The following MAP2K5 variants were observed in gnomAD, a reference collection of about 807,000 sequenced individuals.
MAP2K5 encodes dual specificity mitogen-activated protein kinase kinase 5.
MAP2K5 carries 49 observed loss-of-function variants against 83.1 expected under a neutral mutation model. The ratio of observed to expected loss-of-function variants is 0.59; its 90% confidence interval spans 0.47 to 0.75. MAP2K5 has a LOEUF of 0.75. MAP2K5 is among the 30% of genes least tolerant of loss of function. The probability of loss-of-function intolerance (pLI) is 0.00; values close to 1 mark genes in which losing one functional copy is unlikely to be tolerated. For missense variants in MAP2K5, 457 were observed against 557.5 expected, an observed-to-expected ratio of 0.82 and a Z score of 1.82; for synonymous variants, 202 against 191.8, an observed-to-expected ratio of 1.05 and a Z score of -0.44.
In MAP2K5 at chr15:67,795,342, T is replaced by C. The variant is rs530733802; in HGVS notation, c.1243-11304T>C. Reference sequence around the variant, plus strand: ...ACACTTAGCTCATAAATTTTCAATATTTTTTCCTAATATATGCCTATAAAG... The same window carrying C: ...ACACTTAGCTCATAAATTTTCAATACTTTTTCCTAATATATGCCTATAAAG... On this transcript the variant is annotated intron_variant, in intron 21 of 21. Transcript: ENST00000178640. Among the ~76,000 whole-genome samples the C allele has an allele frequency of 2.0e-5, 3 of 152,352 alleles. No individual in the cohort carries two copies. In the South Asian group the frequency reaches 6.2e-4, roughly 32 times the overall value.
At chr15:67,664,560 A>G (rs754520679) in intron 12 of MAP2K5, 37 bp from the exon 13 acceptor site, 2 of 1,310,600 alleles carry the variant, frequency 1.5e-6, no homozygotes, top group African/African-American at 1.5e-5. Context: ...AAAAACCATA[A>G]TTGATAATTG....
chr15:67,584,107 G>A (rs1596597422), intron 4 of MAP2K5, among the ~76,000 whole-genome samples: 1 of 152,118 alleles, frequency 6.6e-6, no homozygotes, highest in Non-Finnish European at 1.5e-5. Flanking sequence ...GCCTTGGATA[G>A]TAACTCCCAG....
intron 8 of MAP2K5, among the ~76,000 whole-genome samples, chr15:67,629,709 A>T (rs976032777): frequency 6.6e-6 from 1 of 152,140 alleles, no homozygotes; most frequent in Non-Finnish European, 1.5e-5. Context: ...ACCAGATGAG[A>T]GGAAGAGCCG....
chr15:67,558,595 C>T (rs2084673343), intron 2 of MAP2K5, among the ~76,000 whole-genome samples: 1 of 152,232 alleles, frequency 6.6e-6, no homozygotes, highest in Admixed American at 6.5e-5. Context: ...CTCCAAGGCT[C>T]TGCATTTTCG....
rs763979034 is a variant in MAP2K5, at chr15:67,677,478, C to G, written c.847+12833C>G. On this transcript the variant is annotated intron_variant, in intron 13 of 21. Coordinates refer to ENST00000178640, the MANE Select transcript of MAP2K5 (RefSeq NM_145160.3). The surrounding 1 kb of genome is among the most constrained non-coding windows in gnomAD (Gnocchi z 4.2). ...ATAATTTTTTGTTATTTCTTTAAAA[C>G]AAATTACCAGGATTAGTCTTCGGGA... Among the ~76,000 whole-genome samples, 2 of 152,264 alleles carry G rather than the reference C, an allele frequency of 1.3e-5. No individual in the cohort carries two copies. Among genetic ancestry groups the G allele is most frequent in the Admixed American group, 1.3e-4 (2 of 15,294 alleles).
At chr15:67,674,729 A>G (rs1431858552) in intron 13 of MAP2K5, among the ~76,000 whole-genome samples, 3 of 152,208 alleles carry the variant, frequency 2.0e-5, no homozygotes, top group African/African-American at 4.8e-5. Flanking sequence ...TGCCTAGAAT[A>G]TATAAAGAAC....
chr15:67,739,951 T>C (rs949106403), intron 17 of MAP2K5, among the ~76,000 whole-genome samples: 2 of 152,132 alleles, frequency 1.3e-5, no homozygotes, highest in Non-Finnish European at 2.9e-5. Context: ...CCTAGAAACA[T>C]TACCATGTGG....
intron 8 of MAP2K5, among the ~76,000 whole-genome samples, chr15:67,626,502 G>A (rs2086327002): frequency 6.6e-6 from 1 of 152,154 alleles, no homozygotes; most frequent in Non-Finnish European, 1.5e-5. Flanking sequence ...ACTCTAGTCT[G>A]GGCGACAGAG....
intron 4 of MAP2K5, among the ~76,000 whole-genome samples, chr15:67,581,776 A>C (rs975963681): frequency 3.9e-5 from 6 of 152,162 alleles, no homozygotes; most frequent in Admixed American, 2.6e-4. Context: ...AAAGTCTCCA[A>C]AGGCAGCTGT....
chr15:67,649,761 A>G (rs1045115798), intron 11 of MAP2K5, among the ~76,000 whole-genome samples: 1 of 152,182 alleles, frequency 6.6e-6, no homozygotes, highest in Non-Finnish European at 1.5e-5. Flanking sequence ...TATAGTTTTT[A>G]AGTTTCAAAT....
At chr15:67,570,302 C>T (rs2084925977) in intron 3 of MAP2K5, among the ~76,000 whole-genome samples, 1 of 152,182 alleles carries the variant, frequency 6.6e-6, no homozygotes, top group Non-Finnish European at 1.5e-5. Context: ...ATACATCTGT[C>T]CAATAACATG....
chr15:67,694,310 C>T (rs957860355), intron 15 of MAP2K5, among the ~76,000 whole-genome samples: 1 of 151,974 alleles, frequency 6.6e-6, no homozygotes, highest in Non-Finnish European at 1.5e-5. Flanking sequence ...GTTTTGTCTT[C>T]CTCTAACAAA....
rs2084693758 is a variant in MAP2K5 at position 67,559,537 on chromosome 15, T to C, written c.185-3746T>C. ...GATTCTCTTTTCCCAAACTCTGCCATTTTGTATATTTGTGACACACTGCAG... is the reference window on the plus strand; with the variant it reads ...GATTCTCTTTTCCCAAACTCTGCCACTTTGTATATTTGTGACACACTGCAG... On this transcript the variant is annotated intron_variant, in intron 2 of 21. Coordinates refer to ENST00000178640, the MANE Select transcript of MAP2K5 (RefSeq NM_145160.3). This position sits in a 1 kb window ranked among gnomAD's most constrained non-coding sequence, Gnocchi z 4.7. Among the ~76,000 whole-genome samples, 1 of 152,220 alleles carries C rather than the reference T, an allele frequency of 6.6e-6. No individual in the cohort carries two copies. The highest frequency in any genetic ancestry group is 1.5e-5 in the Non-Finnish European group (1 of 68,032).
intron 11 of MAP2K5, among the ~76,000 whole-genome samples, chr15:67,650,529 T>TA (rs59953723): frequency 4.0e-5 from 6 of 151,254 alleles, no homozygotes; most frequent in South Asian, 2.1e-4. Flanking sequence ...TTTTTTTTTT[T>TA]AATTATGAAA....
rs756747781 is a variant in MAP2K5, at chr15:67,769,600, A to C, written c.1135-2A>C. On this transcript the variant is annotated splice_acceptor_variant, in intron 19 of 21. Coordinates refer to ENST00000178640, the MANE Select transcript of MAP2K5 (RefSeq NM_145160.3). LOFTEE classifies it high-confidence loss of function. The surrounding 1 kb of genome is among the most constrained non-coding windows in gnomAD (Gnocchi z 5.2). ...TGGTGACATGTTTTTCCTCCATCAC[A>C]GGATTCGCCCGTCCTTCCAGTTGGA... The C allele has an allele frequency of 6.2e-7, 1 of 1,613,722 alleles. No homozygotes were observed. Among genetic ancestry groups the C allele is most frequent in the East Asian group, 2.2e-5 (1 of 44,872 alleles).
At chr15:67,707,414 C>A (rs907156186) in intron 16 of MAP2K5, among the ~76,000 whole-genome samples, 1 of 152,216 alleles carries the variant, frequency 6.6e-6, no homozygotes, top group African/African-American at 2.4e-5. Context: ...ATCTGAGGAA[C>A]AAAGTGCATT....
intron 3 of MAP2K5, among the ~76,000 whole-genome samples, chr15:67,574,299 T>C (rs1262748848): frequency 6.6e-6 from 1 of 152,140 alleles, no homozygotes; most frequent in East Asian, 1.9e-4. Flanking sequence ...AGGCTGGGCA[T>C]AGTGGTTCAT....
chr15:67,703,631 G>A (rs1328089008), intron 16 of MAP2K5, among the ~76,000 whole-genome samples: 1 of 152,124 alleles, frequency 6.6e-6, no homozygotes, highest in Non-Finnish European at 1.5e-5. Context: ...TGTAAGACCT[G>A]CCTGGAGCGC....
chr15:67,774,852 T>C lies in MAP2K5; in HGVS notation c.1242+2100T>C, dbSNP rs1408466806. Among the ~76,000 whole-genome samples, 1 of 152,214 alleles carries C rather than the reference T, an allele frequency of 6.6e-6. No individual in the cohort carries two copies. The highest frequency in any genetic ancestry group is 1.5e-5 in the Non-Finnish European group (1 of 68,032). On this transcript the variant is annotated intron_variant, in intron 21 of 21. Coordinates refer to ENST00000178640, the MANE Select transcript of MAP2K5 (RefSeq NM_145160.3). The surrounding 1 kb of genome is among the most constrained non-coding windows in gnomAD (Gnocchi z 4.9). Reference sequence around the variant, plus strand: ...ACCAGCATGGGCTGCATGGGCCGCTTCAAATGTGAGGCCTGCAGGATTGTC... The same window carrying C: ...ACCAGCATGGGCTGCATGGGCCGCTCCAAATGTGAGGCCTGCAGGATTGTC...
Sources: allele counts gnomAD v4.1 joint callset (sites outside exome capture counted in the v4.1 genomes callset), GRCh38; gene constraint gnomAD v4.1.1; non-coding constraint Gnocchi (gnomAD v3.1); transcripts MANE v1.5; gene names NCBI Gene and HGNC (gene_info 2026-07-23, HGNC 2026-07-21).